GATAD2A: variants seen among roughly 807,000 people sequenced by gnomAD.
GATAD2A encodes the protein transcriptional repressor p66-alpha.
A neutral mutation model predicts 68.5 loss-of-function variants in GATAD2A; 12 were observed. That is an observed-to-expected ratio of 0.18 (90% CI 0.11 to 0.28). GATAD2A has a LOEUF of 0.28. Ranked by LOEUF, GATAD2A falls within the 10% of genes least tolerant of loss-of-function variation. The probability of loss-of-function intolerance (pLI) is 1.00; values close to 1 mark genes in which losing one functional copy is unlikely to be tolerated. For synonymous variants in GATAD2A, 410 were observed against 375.3 expected (o/e 1.09, Z -1.07); for missense variants, 755 against 868.5 (o/e 0.87, Z 1.64).
rs2060114263 is a variant in GATAD2A, at chr19:19,495,844, A to G, written c.715A>G (p.Ser239Gly). 1 of 1,613,122 alleles carries G rather than the reference A, an allele frequency of 6.2e-7. No homozygotes were observed. The highest frequency in any genetic ancestry group is 1.3e-5 in the African/African-American group (1 of 74,812). ...GTCCTCGAAGCTGGGGCCACAGGCG[A>G]GCTCACAGGTCGTCATGCCCCCACT... Reference protein sequence around the residue: ...QASSKLGPQASSQVVMPPLVR... With the variant: ...QASSKLGPQAGSQVVMPPLVR... Residue 239 changes from serine to glycine, a missense_variant, in exon 6 of 12, where the codon AGC becomes GGC. Transcript: ENST00000683918.
chr19:19,424,702 C>A (rs780795827), intron 1 of GATAD2A, among the ~76,000 whole-genome samples: 5 of 152,144 alleles, frequency 3.3e-5, no homozygotes, highest in Admixed American at 6.5e-5. Flanking sequence ...ATGTGACACA[C>A]CTGTGGTTGG....
rs768623780 is a variant in GATAD2A, at chr19:19,501,128, G to A, written c.1215G>A (p.Met405Ile). Reference sequence around the variant, plus strand: ...GCTGTCTGCTTGCAGCAGGCAGGATGTCGGCCGCCACTGTGCTGTCCCGGG... The same window carrying A: ...GCTGTCTGCTTGCAGCAGGCAGGATATCGGCCGCCACTGTGCTGTCCCGGG... Reference protein sequence around the residue: ...QNLLETQAGRMSAATVLSREP... With the variant: ...QNLLETQAGRISAATVLSREP... The change falls in exon 9 of 12, where the codon ATG (methionine) becomes ATA (isoleucine). Residue 405 changes from methionine (M) to isoleucine (I), a missense_variant. By Grantham distance (10) the Met-to-Ile change is conservative (BLOSUM62 1). Coordinates refer to ENST00000683918, the MANE Select transcript of GATAD2A (RefSeq NM_001384528.1). 25 of 1,607,758 alleles carry A rather than the reference G, an allele frequency of 1.6e-5. No individual in the cohort carries two copies. The highest frequency in any genetic ancestry group is 1.9e-5 in the Non-Finnish European group (22 of 1,175,640).
Position 19,505,407 on chromosome 19 carries a change from G to A in GATAD2A, c.1838G>A (p.Arg613His), listed in dbSNP as rs1382309211. The part of the protein sequence containing the change: ...AVHKSSSAVD[R>H]QREYLLDMIP... ...CACAAGAGCTCCTCGGCCGTGGACC[G>A]CCAGCGAGAGTACCTCCTGGACATG... The change falls in exon 12 of 12, where the codon CGC becomes CAC. Residue 613 changes from arginine to histidine, a missense_variant. Transcript: ENST00000683918. The A allele has an allele frequency of 9.9e-6, 16 of 1,612,134 alleles. No homozygotes were observed. The highest frequency in any genetic ancestry group is 1.6e-4 in the Middle Eastern group (1 of 6,076).
chr19:19,500,400 C>T (rs553268803), intron 8 of GATAD2A, among the ~76,000 whole-genome samples: 4 of 151,936 alleles, frequency 2.6e-5, no homozygotes, highest in East Asian at 1.9e-4. Flanking sequence ...CCCCTGCAGT[C>T]CTCTGACATT....
intron 1 of GATAD2A, among the ~76,000 whole-genome samples, chr19:19,421,732 T>C (rs1318416437): frequency 6.6e-6 from 1 of 152,188 alleles, no homozygotes; most frequent in Non-Finnish European, 1.5e-5. Flanking sequence ...CCCGTCTTAC[T>C]CTGGGGGTGA....
chr19:19,424,965 G>A (rs1310608410), intron 1 of GATAD2A, among the ~76,000 whole-genome samples: 2 of 151,814 alleles, frequency 1.3e-5, no homozygotes, highest in Admixed American at 6.6e-5. Context: ...AATAAAAAAG[G>A]TGTGGTGCAG....
intron 1 of GATAD2A, among the ~76,000 whole-genome samples, chr19:19,424,871 T>C (rs2052880530): frequency 6.6e-6 from 1 of 151,778 alleles, no homozygotes; most frequent in Non-Finnish European, 1.5e-5. Flanking sequence ...CCCAGCACTT[T>C]GGGAGGCTGA....
chr19:19,484,532 CTTTTTTTTTTTTTTTT>C (rs897099165), intron 2 of GATAD2A, among the ~76,000 whole-genome samples: 1 of 86,958 alleles, frequency 1.1e-5, no homozygotes, highest in Non-Finnish European at 2.2e-5. Flanking sequence ...TTTTTTTTTT[CTTTTTTTTTTTTTTTT>C]TTGAGACGGA....
intron 1 of GATAD2A, among the ~76,000 whole-genome samples, chr19:19,446,236 G>A (rs1042541734): frequency 3.3e-5 from 5 of 152,102 alleles, no homozygotes; most frequent in Admixed American, 3.3e-4. Context: ...GGTGTGAAGC[G>A]GTTTCTCATG....
intron 1 of GATAD2A, chr19:19,436,215 G>A (rs746706620): frequency 1.5e-6 from 2 of 1,360,616 alleles, no homozygotes; most frequent in Non-Finnish European, 2.0e-6. Context: ...ATACCCCGAA[G>A]CCAGGTGAGT....
At chr19:19,475,480 G>C (rs1030200025) in intron 2 of GATAD2A, among the ~76,000 whole-genome samples, 15 of 1,788 alleles carry the variant, frequency 8.4e-3, no homozygotes, top group Non-Finnish European at 0.011. Flanking sequence ...CGGCTCTCTG[G>C]AGCCCCCCCC....
intron 2 of GATAD2A, among the ~76,000 whole-genome samples, chr19:19,466,373 C>T (rs748308707): frequency 6.6e-6 from 1 of 152,212 alleles, no homozygotes; most frequent in Non-Finnish European, 1.5e-5. Context: ...CCACTGAGGG[C>T]TGTGGTGTGG....
At chr19:19,423,594 G>A (rs183213551) in intron 1 of GATAD2A, among the ~76,000 whole-genome samples, 1 of 152,372 alleles carries the variant, frequency 6.6e-6, no homozygotes, top group Admixed American at 6.5e-5. Context: ...GTTAGTGGAT[G>A]GTTCCAGCCA....
chr19:19,396,340 C>T (rs900719077), intron 1 of GATAD2A, among the ~76,000 whole-genome samples: 1 of 152,084 alleles, frequency 6.6e-6, no homozygotes, highest in Non-Finnish European at 1.5e-5. Flanking sequence ...TTAGGCTGAC[C>T]GTTTCTCTTG....
intron 1 of GATAD2A, among the ~76,000 whole-genome samples, chr19:19,442,886 G>A (rs902934018): frequency 5.8e-4 from 88 of 152,008 alleles, no homozygotes; most frequent in Admixed American, 2.0e-4. Flanking sequence ...AAAATGGGTA[G>A]AGGGAAAGCA....
At chr19:19,501,893 T>C (rs2060549949) in intron 9 of GATAD2A, 76 bp from the exon 10 acceptor site, 1 of 1,143,766 alleles carries the variant, frequency 8.7e-7, no homozygotes, top group African/African-American at 1.5e-5. Context: ...GGGCCTGTCC[T>C]GTGGGGCTCA....
chr19:19,440,925 CCTTCCTTTT>C (rs144625762), intron 1 of GATAD2A, among the ~76,000 whole-genome samples: 1,551 of 120,102 alleles, frequency 0.013, 48 homozygotes, highest in African/African-American at 0.045. Flanking sequence ...CCTTCCCTTT[CCTTCCTTTT>C]CTTCCTTCCC....
chr19:19,501,066 CCT>C, intron 8 of GATAD2A, 50 bp from the exon 9 acceptor site: 1 of 1,537,044 alleles, frequency 6.5e-7, no homozygotes. Flanking sequence ...CGGCCAGGGC[CCT>C]GACTGTCGTC....
At chr19:19,437,573 C>G (rs1277314614) in intron 1 of GATAD2A, among the ~76,000 whole-genome samples, 1 of 152,192 alleles carries the variant, frequency 6.6e-6, no homozygotes, top group Non-Finnish European at 1.5e-5. Context: ...ACAGCATACT[C>G]ATTAGCAGTC....
Sources: allele counts gnomAD v4.1 joint callset (sites outside exome capture counted in the v4.1 genomes callset), GRCh38; gene constraint gnomAD v4.1.1; transcripts MANE v1.5; gene names NCBI Gene and HGNC (gene_info 2026-07-23, HGNC 2026-07-21).